Variants in PTPN23 observed in about 807,000 individuals in gnomAD.
The protein encoded by PTPN23 is protein tyrosine phosphatase non-receptor type 23, also known as tyrosine-protein phosphatase non-receptor type 23.
A neutral mutation model predicts 156.3 loss-of-function variants in PTPN23; 72 were observed. That is an observed-to-expected ratio of 0.46 (90% CI 0.38 to 0.56). The LOEUF is 0.56. Among genes scored for constraint, PTPN23 ranks in the 20% least tolerant of loss-of-function variants. PTPN23 has a pLI of 0.00. For synonymous variants in PTPN23, 957 were observed against 899.6 expected, an observed-to-expected ratio of 1.06 and a Z score of -1.14; for missense variants, 1,974 against 2,171.5, an observed-to-expected ratio of 0.91 and a Z score of 1.81.
chr3:47,408,647 C>A, intron 15 of PTPN23, 129 bp from the exon 16 acceptor site: 1 of 1,421,206 alleles, frequency 7.0e-7, no homozygotes, highest in Non-Finnish European at 9.6e-7. Context: ...ACCTCTTGCA[C>A]CCTGCTCAGT....
At chr3:47,395,945 T>C (rs144384392) in intron 1 of PTPN23, among the ~76,000 whole-genome samples, 198 bp from the exon 2 acceptor site, 1 of 147,986 alleles carries the variant, frequency 6.8e-6, no homozygotes, top group Non-Finnish European at 1.5e-5. Flanking sequence ...TGCCAGAGTG[T>C]TGGTGCAGGG....
In PTPN23 at chr3:47,392,964, G is replaced by T. The variant is rs370049095; in HGVS notation, c.85-3179G>T. ...TCCTCCTGCCTCAGCCTCTGGAGTA[G>T]CTGAGACTACAGATGTGCGCTGCAC... On this transcript the variant is annotated intron_variant, in intron 1 of 24. Coordinates refer to ENST00000265562, the MANE Select transcript of PTPN23 (RefSeq NM_015466.4). Among the ~76,000 whole-genome samples, 11 of 152,178 alleles carry T rather than the reference G, an allele frequency of 7.2e-5. No homozygotes were observed. The East Asian group carries it at 1.7e-3, about 24-fold the overall frequency.
intron 1 of PTPN23, among the ~76,000 whole-genome samples, chr3:47,392,161 C>T (rs576097964): frequency 6.6e-6 from 1 of 152,074 alleles, no homozygotes; most frequent in South Asian, 2.1e-4. Context: ...GCTGGGATTA[C>T]AGGCATGAGC....
chr3:47,408,533 G>A, intron 15 of PTPN23, 43 bp downstream of exon 15: 2 of 1,581,144 alleles, frequency 1.3e-6, no homozygotes, highest in Non-Finnish European at 1.7e-6. Flanking sequence ...GAGTGTGGAG[G>A]TCATCTGCTG....
Position 47,405,602 on chromosome 3 carries a change from C to T in PTPN23, c.365-147C>T, listed in dbSNP as rs1040008717. 4 of 774,610 alleles carry T rather than the reference C, an allele frequency of 5.2e-6. No homozygotes were observed. The highest frequency in any genetic ancestry group is 3.5e-5 in the African/African-American group (2 of 57,666). 48.0% of individuals were successfully genotyped at this position (774,610 alleles called of 1,614,324 possible). A position where few individuals can be genotyped will look rare whatever the true frequency, so the allele number is the denominator to read the frequency against. The stretch of plus-strand genomic sequence containing the variant: ...GCAGGACTTCTGAGTTTCCCTGTTC[C>T]CTCCAGCTTGGGTGTCCTTGGACTC... On this transcript the variant is annotated intron_variant, in intron 4 of 24. Coordinates refer to ENST00000265562, the MANE Select transcript of PTPN23 (RefSeq NM_015466.4). This position sits in a 1 kb window ranked among gnomAD's most constrained non-coding sequence, Gnocchi z 4.7.
chr3:47,409,174 G>A lies in PTPN23; in HGVS notation c.1654G>A (p.Val552Met), dbSNP rs776187109. 6.2e-6 allele frequency: 10 copies of A among 1,613,832 alleles called. No individual in the cohort carries two copies. Among genetic ancestry groups the A allele is most frequent in the Admixed American group, 3.3e-5 (2 of 59,998 alleles). The change falls in exon 17 of 25, where the codon GTG becomes ATG. Residue 552 changes from valine (V) to methionine (M), a missense_variant. Around this residue, in one of 4 missense-constraint regions of PTPN23, gnomAD observed 726 missense variants for 929.5 expected, o/e 0.78. Coordinates refer to ENST00000265562, the MANE Select transcript of PTPN23 (RefSeq NM_015466.4). ...TPALSPEDKAVLQNLKRILAK... is the reference protein window; with the variant it reads ...TPALSPEDKAMLQNLKRILAK... ...ACTGCTGCCCACAGAGGACAAGGCC[G>A]TGCTGCAAAACCTAAAGCGCATCCT... is the stretch of plus-strand genomic sequence containing the variant.
chr3:47,406,170 G>T lies in PTPN23; in HGVS notation c.546+124G>T. 1 of 1,499,394 alleles carries T rather than the reference G, an allele frequency of 6.7e-7. No individual in the cohort carries two copies. The allele number at this position is 1,499,394 out of a possible 1,614,324, so 92.9% of individuals were successfully genotyped here. On this transcript the variant is annotated intron_variant, in intron 6 of 24. Coordinates refer to ENST00000265562, the MANE Select transcript of PTPN23 (RefSeq NM_015466.4). The surrounding 1 kb of genome is among the most constrained non-coding windows in gnomAD (Gnocchi z 5.8). Reference sequence around the variant, plus strand: ...ACAAGCAAGGGGCCTTGGCTTTGTTGAATCAGGAGCACCGTGGTGCTGCTT... The same window carrying T: ...ACAAGCAAGGGGCCTTGGCTTTGTTTAATCAGGAGCACCGTGGTGCTGCTT...
chr3:47,410,674 CT>C lies in PTPN23; in HGVS notation c.2877del (p.Gln960SerfsTer200), dbSNP rs1559528548. The C allele has an allele frequency of 6.2e-7, 1 of 1,604,490 alleles. No homozygotes were observed. Among genetic ancestry groups the C allele is most frequent in the Non-Finnish European group, 8.5e-7 (1 of 1,173,174 alleles). On this transcript the variant is annotated frameshift_variant, in exon 20 of 25. Transcript: ENST00000265562. LOFTEE classifies it high-confidence loss of function. ...ATTGGGCCCCAGCCCCAGCCCCATC[CT>C]CAGCCCCATCCTTCACAAGCGTTTG... ...PRIGPQPQPHPQPHPSQAFGP... is the reference protein window; with the variant it reads ...PRIGPQPQPHXQPHPSQAFGP...
At chr3:47,383,825 C>T (rs570913440) in intron 1 of PTPN23, among the ~76,000 whole-genome samples, 1 of 152,270 alleles carries the variant, frequency 6.6e-6, no homozygotes, top group Admixed American at 6.5e-5. Flanking sequence ...AGATATGAAA[C>T]AATTACTCCT....
Position 47,413,412 on chromosome 3 carries a change from A to G in PTPN23, c.*227A>G, listed in dbSNP as rs1170289068. On this transcript the variant is annotated 3_prime_UTR_variant, in exon 25 of 25. Coordinates refer to ENST00000265562, the MANE Select transcript of PTPN23 (RefSeq NM_015466.4). ...ACATTTTTCAGCTCTTTGCTATTGA[A>G]ATAATAAACCACCCTGTTCTGTGGC... 1.0e-5 allele frequency: 6 copies of G among 593,722 alleles called. No individual in the cohort carries two copies. In the East Asian group the frequency reaches 1.4e-4, roughly 14 times the overall value. The allele number at this position is 593,722 out of a possible 1,614,324, so 36.8% of individuals were successfully genotyped here.
In PTPN23 at chr3:47,407,091, AGAG is replaced by A. The variant is rs755024382; in HGVS notation, c.808-33_808-31del. The A allele has an allele frequency of 3.2e-5, 52 of 1,612,812 alleles. No individual in the cohort carries two copies. In the Admixed American group the frequency reaches 4.5e-4, roughly 14 times the overall value. On this transcript the variant is annotated intron_variant, in intron 9 of 24. Coordinates refer to ENST00000265562, the MANE Select transcript of PTPN23 (RefSeq NM_015466.4). The surrounding 1 kb of genome is among the most constrained non-coding windows in gnomAD (Gnocchi z 4.0). The stretch of plus-strand genomic sequence containing the variant: ...AGGCAGGAGGAGAAAGGGTCCAAGC[AGAG>A]GAGGACAGAGCAGGCTTTCCTGCCA...
At position 47,406,990 on chromosome 3, in the gene PTPN23, G is replaced by A. The variant is rs1705142233; in HGVS notation, c.808-140G>A. 8.3e-7 allele frequency: 1 copy of A among 1,198,568 alleles called. No homozygotes were observed. The highest frequency in any genetic ancestry group is 1.2e-6 in the Non-Finnish European group (1 of 841,752). 74.2% of individuals were successfully genotyped at this position (1,198,568 alleles called of 1,614,324 possible). A position where few individuals can be genotyped will look rare whatever the true frequency, so the allele number is the denominator to read the frequency against. On this transcript the variant is annotated intron_variant, in intron 9 of 24. Transcript: ENST00000265562. The surrounding 1 kb of genome is among the most constrained non-coding windows in gnomAD (Gnocchi z 5.8). ...CTGGGGCAGGGTGTGGCGCCACCTT[G>A]CTGCTGTTGGCTGGGGTGGTGCCCG... is the stretch of plus-strand genomic sequence containing the variant.
rs772659124 is a variant in PTPN23 at position 47,409,984 on chromosome 3, G to T, written c.2186G>T (p.Arg729Leu). 6.3e-7 allele frequency: 1 copy of T among 1,594,198 alleles called. No individual in the cohort carries two copies. The highest frequency in any genetic ancestry group is 8.5e-7 in the Non-Finnish European group (1 of 1,171,756). ...RPTAPKPLLP[R>L]REESEAVEAG... ...ACAGCCCCAAAGCCGCTGCTGCCCC[G>T]CAGGGAGGAGAGTGAGGCAGTGGAA... The change falls in exon 20 of 25, where the codon CGC (arginine) becomes CTC (leucine). Residue 729 changes from arginine (R) to leucine (L), a missense_variant. Physicochemically the swap from Arg to Leu is moderately radical, Grantham distance 102 (BLOSUM62 -2). Coordinates refer to ENST00000265562, the MANE Select transcript of PTPN23 (RefSeq NM_015466.4).
intron 14 of PTPN23, 131 bp downstream of exon 14, chr3:47,408,086 C>A (rs919493648): frequency 1.7e-6 from 2 of 1,191,362 alleles, no homozygotes; most frequent in African/African-American, 1.5e-5. Context: ...GCTGCCTTCC[C>A]GCCTGGGGTG....
intron 1 of PTPN23, among the ~76,000 whole-genome samples, chr3:47,386,606 A>G (rs1704658356): frequency 6.6e-6 from 1 of 152,162 alleles, no homozygotes; most frequent in Non-Finnish European, 1.5e-5. Context: ...ACTAGCTTGC[A>G]CATGTATGTA....
At position 47,410,411 on chromosome 3, in the gene PTPN23, C is replaced by T. The variant is rs779172934; in HGVS notation, c.2613C>T (p.Pro871=). ...CCCCACCTCCTCAATTCTCAGGCCC[C>T]GAGTTGGCCATGGCGGTTCGGCCAG... The part of the protein sequence containing the change: ...PSAPPPQFSG[P]ELAMAVRPAT... Residue 871 remains proline (P), a synonymous_variant, in exon 20 of 25, where the codon CCC becomes CCT. Transcript: ENST00000265562. 18 of 1,611,944 alleles carry T rather than the reference C, an allele frequency of 1.1e-5. No individual in the cohort carries two copies. The highest frequency in any genetic ancestry group is 8.8e-5 in the South Asian group (8 of 90,810).
Position 47,406,159 on chromosome 3 carries a change from T to C in PTPN23, c.546+113T>C. ...GGCAGTGAGGGACAAGCAAGGGGCCTTGGCTTTGTTGAATCAGGAGCACCG... is the reference window on the plus strand; with the variant it reads ...GGCAGTGAGGGACAAGCAAGGGGCCCTGGCTTTGTTGAATCAGGAGCACCG... On this transcript the variant is annotated intron_variant, in intron 6 of 24. Coordinates refer to ENST00000265562, the MANE Select transcript of PTPN23 (RefSeq NM_015466.4). The surrounding 1 kb of genome is among the most constrained non-coding windows in gnomAD (Gnocchi z 5.8). 6.6e-7 allele frequency: 1 copy of C among 1,507,848 alleles called. No individual in the cohort carries two copies. Among genetic ancestry groups the C allele is most frequent in the African/African-American group, 1.4e-5 (1 of 72,600 alleles). The allele number at this position is 1,507,848 out of a possible 1,614,324, so 93.4% of individuals were successfully genotyped here.
intron 2 of PTPN23, among the ~76,000 whole-genome samples, chr3:47,403,083 C>T (rs1421475345): frequency 2.7e-5 from 4 of 149,230 alleles, no homozygotes; most frequent in South Asian, 2.1e-4. Context: ...GACGGAGTCT[C>T]GCTGTCGCCC....
At chr3:47,412,251 T>C in intron 22 of PTPN23, 32 bp from the exon 23 acceptor site, 1 of 1,612,928 alleles carries the variant, frequency 6.2e-7, no homozygotes, top group East Asian at 2.2e-5. Flanking sequence ...CCTAGCCTCA[T>C]ACCCCGGCCT....
Sources: allele counts gnomAD v4.1 joint callset (sites outside exome capture counted in the v4.1 genomes callset), GRCh38; gene constraint gnomAD v4.1.1; regional missense constraint gnomAD v4.1.1; non-coding constraint Gnocchi (gnomAD v3.1); transcripts MANE v1.5; gene names NCBI Gene and HGNC (gene_info 2026-07-23, HGNC 2026-07-21).